MOGAT1: variants seen among roughly 807,000 people sequenced by gnomAD.
The protein encoded by MOGAT1 is 2-acylglycerol O-acyltransferase 1.
Under a neutral mutation model 31.4 loss-of-function variants are expected in MOGAT1, and 32 were observed. That is an observed-to-expected ratio of 1.02 (90% confidence interval 0.77 to 1.37). The LOEUF is 1.37. Ranked by LOEUF, MOGAT1 falls within the 40% of genes most tolerant of loss-of-function variation. MOGAT1 has a pLI of 0.00. For synonymous variants in MOGAT1, 145 were observed against 144.5 expected (o/e 1.00, Z -0.03); for missense variants, 426 against 402.0 (o/e 1.06, Z -0.51).
chr2:222,677,645 G>T (rs1692519421), intron 1 of MOGAT1: 3 of 341,292 alleles, frequency 8.8e-6, no homozygotes, highest in Non-Finnish European at 1.7e-5. Context: ...GCTTTTCCTG[G>T]AGGCTGATAG....
chr2:222,704,363 G>A (rs1007620915), intron 5 of MOGAT1, among the ~76,000 whole-genome samples: 10 of 152,126 alleles, frequency 6.6e-5, no homozygotes, highest in Non-Finnish European at 5.9e-5. Flanking sequence ...GGTGGCTCAC[G>A]CTTGTAATCC....
chr2:222,694,138 G>T (rs1217997011), intron 3 of MOGAT1, among the ~76,000 whole-genome samples: 1 of 152,086 alleles, frequency 6.6e-6, no homozygotes, highest in Admixed American at 6.5e-5. Context: ...ATGACTGAAT[G>T]ACATTTTAAA....
intron 5 of MOGAT1, among the ~76,000 whole-genome samples, chr2:222,709,458 A>C (rs1223823902): frequency 9.2e-5 from 14 of 152,154 alleles, no homozygotes; most frequent in Non-Finnish European, 1.9e-4. Context: ...ATGTCCACTC[A>C]CCTCCCAGCT....
intron 5 of MOGAT1, among the ~76,000 whole-genome samples, chr2:222,702,113 A>G (rs1392160664): frequency 2.0e-5 from 3 of 152,222 alleles, no homozygotes; most frequent in African/African-American, 7.2e-5. Flanking sequence ...ACTTGCCAAA[A>G]TGTTAATCTG....
At chr2:222,688,644 G>A (rs1692713011) in intron 2 of MOGAT1, 122 bp downstream of exon 2, 5 of 702,366 alleles carry the variant, frequency 7.1e-6, no homozygotes, top group African/African-American at 1.8e-5. Flanking sequence ...TTGTGCTGCT[G>A]TAACAGAATA....
Position 222,671,838 on chromosome 2 carries a change from C to G in MOGAT1, c.53C>G (p.Thr18Arg). ...LNIQLARRLQ[T>R]VAVLQWVLKY... Reference sequence around the variant, plus strand: ...ATCCAGCTGGCGCGGCGGCTGCAGACGGTGGCCGTGCTGCAGTGGGTCCTG... The same window carrying G: ...ATCCAGCTGGCGCGGCGGCTGCAGAGGGTGGCCGTGCTGCAGTGGGTCCTG... The change falls in exon 1 of 6, where the codon ACG becomes AGG. Residue 18 changes from threonine (T) to arginine (R), a missense_variant. By Grantham distance (71) the Thr-to-Arg change is moderately conservative. Transcript: ENST00000446656. The G allele has an allele frequency of 6.4e-7, 1 of 1,553,326 alleles. No homozygotes were observed. The highest frequency in any genetic ancestry group is 1.2e-5 in the South Asian group (1 of 84,196).
chr2:222,694,370 T>A lies in MOGAT1; in HGVS notation c.487T>A (p.Ser163Thr). The change falls in exon 4 of 6, where the codon TCA becomes ACA. Residue 163 changes from serine to threonine, a missense_variant. Transcript: ENST00000446656. ...REYVMSVGLV[S>T]VSKKSVSYMV... The stretch of plus-strand genomic sequence containing the variant: ...TTGTTTTATTCACTAAGGGCTGGTT[T>A]CAGTTTCCAAGAAAAGTGTGTCCTA... 6.2e-7 allele frequency: 1 copy of A among 1,606,328 alleles called. No individual in the cohort carries two copies. The highest frequency in any genetic ancestry group is 1.1e-5 in the South Asian group (1 of 89,346).
chr2:222,697,338 A>G (rs553736141), intron 5 of MOGAT1, among the ~76,000 whole-genome samples: 1 of 152,210 alleles, frequency 6.6e-6, no homozygotes, highest in East Asian at 1.9e-4. Context: ...TATTTTTCCC[A>G]CAGTAATTAC....
chr2:222,675,573 G>A (rs1164311235), intron 1 of MOGAT1, among the ~76,000 whole-genome samples: 1 of 147,150 alleles, frequency 6.8e-6, no homozygotes, highest in East Asian at 2.0e-4. Flanking sequence ...TCCGCCTCCC[G>A]GGTTCATGCC....
intron 1 of MOGAT1, among the ~76,000 whole-genome samples, chr2:222,684,343 T>C (rs1440358099): frequency 6.6e-6 from 1 of 151,090 alleles, no homozygotes; most frequent in Admixed American, 6.6e-5. Flanking sequence ...GAGGCGGAGG[T>C]TGCAGTGAGC....
At chr2:222,696,371 C>A (rs1307282797) in intron 5 of MOGAT1, among the ~76,000 whole-genome samples, 1 of 152,234 alleles carries the variant, frequency 6.6e-6, no homozygotes, top group African/African-American at 2.4e-5. Flanking sequence ...TACTAGTTCA[C>A]ATTCCTACCA....
At chr2:222,677,352 G>A (rs772383841) in intron 1 of MOGAT1, among the ~76,000 whole-genome samples, 149 of 152,218 alleles carry the variant, frequency 9.8e-4, no homozygotes, top group Non-Finnish European at 1.9e-3. Flanking sequence ...AGGCCGAGGT[G>A]GGTGGATCAC....
At chr2:222,686,019 TG>T (rs1377985775) in intron 1 of MOGAT1, among the ~76,000 whole-genome samples, 1 of 152,240 alleles carries the variant, frequency 6.6e-6, no homozygotes, top group Non-Finnish European at 1.5e-5. Flanking sequence ...ACATTATTTT[TG>T]GATCTGTTCC....
rs770822118 is a variant in MOGAT1 at position 222,694,555 on chromosome 2, A to G, written c.653+19A>G. On this transcript the variant is annotated intron_variant, in intron 4 of 5. Transcript: ENST00000446656. ...CCCATGGGTAAGTGGCTTTTTGTAT[A>G]AAGTAGGGGGTCAGAAAAGTTAAGA... 6.2e-7 allele frequency: 1 copy of G among 1,609,428 alleles called. No homozygotes were observed. The highest frequency in any genetic ancestry group is 1.3e-5 in the African/African-American group (1 of 74,694).
At chr2:222,703,965 A>G (rs1692967229) in intron 5 of MOGAT1, among the ~76,000 whole-genome samples, 1 of 152,206 alleles carries the variant, frequency 6.6e-6, no homozygotes, top group South Asian at 2.1e-4. Context: ...ATAGCACCGT[A>G]GAAACTGAAG....
chr2:222,709,873 A>G lies in MOGAT1; in HGVS notation c.991A>G (p.Thr331Ala), dbSNP rs374553526. 1.2e-6 allele frequency: 2 copies of G among 1,602,796 alleles called. No homozygotes were observed. Among genetic ancestry groups the G allele is most frequent in the Admixed American group, 1.7e-5 (1 of 57,958 alleles). The change falls in exon 6 of 6, where the codon ACT (threonine) becomes GCT (alanine). Residue 331 changes from threonine (T) to alanine (A), a missense_variant. By Grantham distance (58) the Thr-to-Ala change is moderately conservative (BLOSUM62 0). Transcript: ENST00000446656. ...AAAGTATGGCATTCCAGAGCACGAGACTCTTGTTTTAAAATGACTTGACTA... is the reference window on the plus strand; with the variant it reads ...AAAGTATGGCATTCCAGAGCACGAGGCTCTTGTTTTAAAATGACTTGACTA... ...KGKYGIPEHE[T>A]LVLK
At chr2:222,687,693 A>G (rs1692694528) in intron 1 of MOGAT1, among the ~76,000 whole-genome samples, 1 of 152,180 alleles carries the variant, frequency 6.6e-6, no homozygotes, top group South Asian at 2.1e-4. Flanking sequence ...GCATGCTAAG[A>G]TCTGAAGAGT....
intron 1 of MOGAT1, 77 bp downstream of exon 1, chr2:222,671,956 C>A: frequency 8.4e-7 from 1 of 1,191,272 alleles, no homozygotes; most frequent in Non-Finnish European, 1.2e-6. Context: ...CCAGGACCTG[C>A]ATAGAACCTT....
At chr2:222,680,605 C>G (rs751367680) in intron 1 of MOGAT1, among the ~76,000 whole-genome samples, 2 of 152,046 alleles carry the variant, frequency 1.3e-5, no homozygotes, top group Non-Finnish European at 2.9e-5. Flanking sequence ...CACTTACATT[C>G]TTATATTCTA....
Sources: gnomAD v4.1 joint callset for allele counts (sites outside exome capture counted in the v4.1 genomes callset) on GRCh38, gnomAD v4.1.1 for gene constraint, MANE v1.5 for transcripts, NCBI Gene and HGNC (gene_info 2026-07-23, HGNC 2026-07-21) for gene names.